Variants in MACROD2 observed in about 807,000 individuals in gnomAD.
MACROD2 encodes mono-ADP ribosylhydrolase 2, also known as ADP-ribose glycohydrolase MACROD2.
In MACROD2, 36 loss-of-function variants were observed where a neutral mutation model predicts 70.4. The ratio of observed to expected loss-of-function variants is 0.51; its 90% CI spans 0.39 to 0.68. MACROD2 has a LOEUF of 0.68. Among genes scored for constraint, MACROD2 ranks in the 30% least tolerant of loss-of-function variants. MACROD2 has a pLI of 0.00. For missense variants in MACROD2, 496 were observed against 538.4 expected (o/e 0.92, Z 0.78); for synonymous variants, 172 against 178.8 (o/e 0.96, Z 0.30).
intron 3 of MACROD2, among the ~76,000 whole-genome samples, chr20:14,401,353 T>G (rs1313654669): frequency 1.3e-5 from 2 of 152,178 alleles, no homozygotes; most frequent in Non-Finnish European, 2.9e-5. Context: ...ATTTCTGTCT[T>G]TAAGTCTTTG....
At chr20:14,722,231 G>T (rs1033870822) in intron 5 of MACROD2, among the ~76,000 whole-genome samples, 1 of 152,144 alleles carries the variant, frequency 6.6e-6, no homozygotes, top group Non-Finnish European at 1.5e-5. Flanking sequence ...CTTTGCTGGC[G>T]CAGTGTCCAC....
intron 5 of MACROD2, among the ~76,000 whole-genome samples, chr20:14,746,714 A>G (rs2071804221): frequency 6.6e-6 from 1 of 152,182 alleles, no homozygotes; most frequent in Admixed American, 6.6e-5. Flanking sequence ...TTTTCAAACC[A>G]TTAACGCATT....
At position 14,522,032 on chromosome 20, in the gene MACROD2, C is replaced by G. The variant is rs542959368; in HGVS notation, c.301+28524C>G. ...ATCTCTAGGGGGTTAATGAAGCCTTCCCGTCGAAGCCGCTGTGATGAGAGG... is the reference window on the plus strand; with the variant it reads ...ATCTCTAGGGGGTTAATGAAGCCTTGCCGTCGAAGCCGCTGTGATGAGAGG... On this transcript the variant is annotated intron_variant, in intron 4 of 17. Coordinates refer to ENST00000684519, the MANE Select transcript of MACROD2 (RefSeq NM_001351661.2). 9.9e-5 allele frequency among the ~76,000 whole-genome samples: 15 copies of G among 152,262 alleles called. No homozygotes were observed. In the South Asian group the frequency reaches 2.9e-3, roughly 29 times the overall value.
chr20:14,836,561 G>T (rs754932446), intron 5 of MACROD2, among the ~76,000 whole-genome samples: 3 of 151,992 alleles, frequency 2.0e-5, no homozygotes, highest in African/African-American at 4.8e-5. Flanking sequence ...AATCTGAAAT[G>T]GCACAGACAC....
chr20:14,941,258 C>A (rs1483687342), intron 5 of MACROD2, among the ~76,000 whole-genome samples: 1 of 151,862 alleles, frequency 6.6e-6, no homozygotes, highest in Non-Finnish European at 1.5e-5. Context: ...TTTATTGGGT[C>A]TTCTCTCTTT....
chr20:14,344,544 G>C (rs2122673130), intron 3 of MACROD2, among the ~76,000 whole-genome samples: 1 of 152,100 alleles, frequency 6.6e-6, no homozygotes, highest in South Asian at 2.1e-4. Context: ...CACTAGTTTT[G>C]TTTGTTTTTT....
chr20:15,345,393 C>A (rs1196070357), intron 6 of MACROD2, among the ~76,000 whole-genome samples: 2 of 152,134 alleles, frequency 1.3e-5, no homozygotes, highest in African/African-American at 2.4e-5. Context: ...TATCCAGCAG[C>A]CCATGCTGTA....
chr20:14,664,844 G>A (rs1349960497), intron 4 of MACROD2, among the ~76,000 whole-genome samples: 5 of 152,082 alleles, frequency 3.3e-5, no homozygotes, highest in Non-Finnish European at 7.4e-5. Context: ...GAGCTAAGCA[G>A]CTTGCCTAGC....
At chr20:15,064,940 C>A (rs1348053853) in intron 5 of MACROD2, among the ~76,000 whole-genome samples, 1 of 152,198 alleles carries the variant, frequency 6.6e-6, no homozygotes, top group Non-Finnish European at 1.5e-5. Context: ...AATAGCACAT[C>A]CTGTTCCATA....
chr20:15,770,742 G>A (rs2051610792), intron 8 of MACROD2, among the ~76,000 whole-genome samples: 1 of 152,006 alleles, frequency 6.6e-6, no homozygotes, highest in African/African-American at 2.4e-5. Flanking sequence ...TTGGCTCCAG[G>A]CTAAGATCCT....
chr20:15,870,376 T>G (rs1019817961), intron 9 of MACROD2, among the ~76,000 whole-genome samples: 1 of 152,100 alleles, frequency 6.6e-6, no homozygotes, highest in Non-Finnish European at 1.5e-5. Flanking sequence ...AAATATATAG[T>G]AGGTGTTTAT....
intron 5 of MACROD2, among the ~76,000 whole-genome samples, chr20:14,975,611 T>C (rs2074732364): frequency 6.6e-6 from 1 of 152,110 alleles, no homozygotes; most frequent in South Asian, 2.1e-4. Context: ...ATCCACCACC[T>C]GCAGAGTGCA....
chr20:15,310,097 T>C (rs2077736355), intron 6 of MACROD2, among the ~76,000 whole-genome samples: 1 of 152,234 alleles, frequency 6.6e-6, no homozygotes, highest in South Asian at 2.1e-4. Flanking sequence ...CCCTGTATTA[T>C]CTCATCTGTA....
At position 14,292,282 on chromosome 20, in the gene MACROD2, G is replaced by A. The variant is rs143153680; in HGVS notation, c.272-201197G>A. ...GTGGTTCTCACCTGGGGGTAATTTT[G>A]TCCTTGGGAGACACTTACCAATGTC... On this transcript the variant is annotated intron_variant, in intron 3 of 17. Transcript: ENST00000684519. Among the ~76,000 whole-genome samples the A allele has an allele frequency of 5.0e-3, 759 of 151,920 alleles. 23 individuals carry two copies. Among genetic ancestry groups the A allele is most frequent in the African/African-American group, 0.017 (708 of 41,272 alleles).
chr20:14,533,973 A>G (rs751373668), intron 4 of MACROD2, among the ~76,000 whole-genome samples: 7 of 152,206 alleles, frequency 4.6e-5, no homozygotes, highest in Non-Finnish European at 7.3e-5. Context: ...CCATAAACCA[A>G]TTTGATGGTC....
At chr20:15,258,303 G>A (rs544251936) in intron 6 of MACROD2, among the ~76,000 whole-genome samples, 55 of 152,150 alleles carry the variant, frequency 3.6e-4, no homozygotes, top group Non-Finnish European at 6.9e-4. Context: ...GTACTGTAAT[G>A]TGTGAGGCCT....
At position 15,933,425 on chromosome 20, in the gene MACROD2, G is replaced by A. The variant is rs1473496243; in HGVS notation, c.838+87G>A. On this transcript the variant is annotated intron_variant, in intron 11 of 17. Coordinates refer to ENST00000684519, the MANE Select transcript of MACROD2 (RefSeq NM_001351661.2). ...TCACTCAATGCTATTGTCTGAAAATGCTTATACATTTCACCAGATGAACTC... is the reference window on the plus strand; with the variant it reads ...TCACTCAATGCTATTGTCTGAAAATACTTATACATTTCACCAGATGAACTC... 7.1e-6 allele frequency: 9 copies of A among 1,265,748 alleles called. No individual in the cohort carries two copies. In the East Asian group the frequency reaches 2.2e-4, roughly 31 times the overall value. 78.4% of individuals were successfully genotyped at this position (1,265,748 alleles called of 1,614,324 possible).
intron 3 of MACROD2, among the ~76,000 whole-genome samples, chr20:14,140,325 A>G (rs2054853849): frequency 6.6e-6 from 1 of 152,202 alleles, no homozygotes; most frequent in Non-Finnish European, 1.5e-5. Context: ...TTACACTATA[A>G]AAACATGTAA....
chr20:15,065,475 G>A (rs2075566203), intron 5 of MACROD2, among the ~76,000 whole-genome samples: 1 of 152,066 alleles, frequency 6.6e-6, no homozygotes, highest in East Asian at 1.9e-4. Context: ...CTAACACAGT[G>A]AAACCCCATC....
Sources: allele counts gnomAD v4.1 joint callset (sites outside exome capture counted in the v4.1 genomes callset), GRCh38; gene constraint gnomAD v4.1.1; transcripts MANE v1.5; gene names NCBI Gene and HGNC (gene_info 2026-07-23, HGNC 2026-07-21).